SV2C: variants seen among roughly 807,000 people sequenced by gnomAD.
SV2C encodes the protein synaptic vesicle glycoprotein 2C.
SV2C carries 49 observed loss-of-function variants against 79.7 expected under a neutral mutation model. The observed-to-expected ratio is 0.61, with a 90% CI of 0.49 to 0.78. The LOEUF is 0.78. Among genes scored for constraint, SV2C ranks in the 30% least tolerant of loss-of-function variants. The pLI is 0.00. For missense variants in SV2C, 833 were observed against 912.9 expected (o/e 0.91, Z 1.13); for synonymous variants, 334 against 333.2 (o/e 1.00, Z -0.03).
the SV2C span, among the ~76,000 whole-genome samples, chr5:75,992,597 T>C: frequency 1.3e-5 from 2 of 152,004 alleles, no homozygotes; most frequent in East Asian, 1.9e-4. Context: ...CTGTCAATGA[T>C]TGGTCATTGC....
chr5:76,051,332 G>A, the SV2C span, among the ~76,000 whole-genome samples: 1 of 151,786 alleles, frequency 6.6e-6, no homozygotes, highest in African/African-American at 2.4e-5. Flanking sequence ...GTGTAGATGA[G>A]AGACTAAATT....
chr5:75,970,777 C>T, the SV2C span, among the ~76,000 whole-genome samples: 2 of 152,192 alleles, frequency 1.3e-5, no homozygotes, highest in African/African-American at 2.4e-5. Context: ...CCTTCTGAAA[C>T]TATTCCAATC....
At chr5:75,910,369 C>G in the SV2C span, 1 of 567,962 alleles carries the variant, frequency 1.8e-6, no homozygotes, top group Non-Finnish European at 3.4e-6. Context: ...TGGCCTTCAG[C>G]TCCTCATGAC....
chr5:75,999,630 G>C, the SV2C span, among the ~76,000 whole-genome samples: 1 of 145,280 alleles, frequency 6.9e-6, no homozygotes, highest in African/African-American at 2.6e-5. Context: ...CGGTGGGTGG[G>C]GTGAATTCCT....
At chr5:76,048,975 G>GAAAGAAAGAAAGAAAGAAAGAA in the SV2C span, among the ~76,000 whole-genome samples, 7 of 68,980 alleles carry the variant, frequency 1.0e-4, no homozygotes, top group Non-Finnish European at 1.7e-4. Context: ...GAGAAAGAAA[G>GAAAGAAAGAAAGAAAGAAAGAA]AAAGAAAGAA....
chr5:75,983,465 G>A, the SV2C span, among the ~76,000 whole-genome samples: 464 of 152,210 alleles, frequency 3.0e-3, 1 homozygote, highest in African/African-American at 0.011. Flanking sequence ...AAGAAATGCT[G>A]CAATCACCGA....
chr5:76,335,980 A>G (rs187920092), downstream of SV2C, among the ~76,000 whole-genome samples: 969 of 151,916 alleles, frequency 6.4e-3, 13 homozygotes, highest in African/African-American at 0.022. Flanking sequence ...GGGGCTCCTC[A>G]CTTCCCAGTA....
chr5:76,342,592 G>T (rs1749464128), intron 12 of SV2C, among the ~76,000 whole-genome samples: 1 of 152,212 alleles, frequency 6.6e-6, no homozygotes, highest in South Asian at 2.1e-4. Context: ...AGCTGGTAAA[G>T]GTGGAGCAGC....
the SV2C span, among the ~76,000 whole-genome samples, chr5:75,850,891 C>T: frequency 6.6e-6 from 1 of 152,140 alleles, no homozygotes; most frequent in East Asian, 1.9e-4. Flanking sequence ...TTCTATCAGC[C>T]GAGGGGCTGT....
At chr5:76,274,998 A>G (rs1746979673) in intron 4 of SV2C, among the ~76,000 whole-genome samples, 2 of 152,164 alleles carry the variant, frequency 1.3e-5, no homozygotes, top group South Asian at 4.1e-4. Flanking sequence ...AGAAAATTTT[A>G]GTTGGCCAGG....
At chr5:75,957,184 C>T in the SV2C span, among the ~76,000 whole-genome samples, 1 of 151,932 alleles carries the variant, frequency 6.6e-6, no homozygotes, top group Non-Finnish European at 1.5e-5. Flanking sequence ...CTAAAATTTT[C>T]CTCAACCCTA....
At chr5:76,116,984 G>A (rs1748289511) in intron 1 of SV2C, among the ~76,000 whole-genome samples, 1 of 152,122 alleles carries the variant, frequency 6.6e-6, no homozygotes, top group African/African-American at 2.4e-5. Flanking sequence ...ATCTACAGAA[G>A]GATATGGAGA....
chr5:76,271,368 A>T (rs1053374865), intron 4 of SV2C, among the ~76,000 whole-genome samples: 11 of 152,156 alleles, frequency 7.2e-5, no homozygotes, highest in African/African-American at 2.4e-4. Context: ...TGTTATTGGG[A>T]CTACCCACAA....
chr5:76,030,289 T>TTTTTATTTTTTTA, the SV2C span, among the ~76,000 whole-genome samples: 1 of 117,874 alleles, frequency 8.5e-6, no homozygotes, highest in African/African-American at 3.9e-5. Context: ...TTTTTTTTTT[T>TTTTTATTTTTTTA]TTTATTTATT....
chr5:75,989,081 A>G, the SV2C span, among the ~76,000 whole-genome samples: 1 of 151,956 alleles, frequency 6.6e-6, no homozygotes. Flanking sequence ...ATTTAAACAA[A>G]AAAGGATTAA....
At chr5:75,908,606 C>T in the SV2C span, among the ~76,000 whole-genome samples, 5 of 152,264 alleles carry the variant, frequency 3.3e-5, no homozygotes, top group Admixed American at 6.5e-5. Flanking sequence ...AGGGGAGAGA[C>T]GTCTTTCACT....
intron 4 of SV2C, 141 bp downstream of exon 4, chr5:76,210,028 T>G (rs1490797827): frequency 9.6e-7 from 1 of 1,044,684 alleles, no homozygotes; most frequent in East Asian, 2.6e-5. Flanking sequence ...TGTCCAGGAG[T>G]TTTTCCCCTC....
intron 1 of SV2C, among the ~76,000 whole-genome samples, chr5:76,085,401 T>C (rs1452105904): frequency 6.6e-6 from 1 of 152,028 alleles, no homozygotes; most frequent in Non-Finnish European, 1.5e-5. Flanking sequence ...AAATAATAAA[T>C]CAAATCCACG....
Position 76,238,027 on chromosome 5 carries a change from T to TACACACACAC in SV2C, c.913+28170_913+28179dup, listed in dbSNP as rs796926428. 5.6e-4 allele frequency among the ~76,000 whole-genome samples: 69 copies of TACACACACAC among 122,922 alleles called. 1 individual carries two copies. In the South Asian group the frequency reaches 5.6e-3, roughly 10 times the overall value. 80.6% of individuals were successfully genotyped at this position (122,922 alleles called of 152,430 possible). On this transcript the variant is annotated intron_variant, in intron 4 of 12. Coordinates refer to ENST00000502798, the MANE Select transcript of SV2C (RefSeq NM_014979.4). ...ACATACATATACACACAATCACACA[T>TACACACACAC]ACACACACACACACACACACACACA...
Sources: gnomAD v4.1 joint callset for allele counts (sites outside exome capture counted in the v4.1 genomes callset) on GRCh38, gnomAD v4.1.1 for gene constraint, MANE v1.5 for transcripts, NCBI Gene and HGNC (gene_info 2026-07-23, HGNC 2026-07-21) for gene names.